Variants in USB1 observed in about 807,000 individuals in gnomAD.
USB1 encodes U6 snRNA phosphodiesterase 1.
In USB1, 21 loss-of-function variants were observed where a neutral mutation model predicts 29.9. The observed-to-expected ratio is 0.70, with a 90% CI of 0.50 to 1.01. The LOEUF (loss-of-function observed/expected upper bound fraction) is 1.01. Ranked by LOEUF, USB1 falls within the 50% of genes least tolerant of loss-of-function variation. The pLI is 0.00. For missense variants in USB1, 330 were observed against 347.1 expected, an observed-to-expected ratio of 0.95 and a Z score of 0.39; for synonymous variants, 143 against 134.9, an observed-to-expected ratio of 1.06 and a Z score of -0.42.
chr16:58,005,009 C>T (rs1963317662), intron 2 of USB1, among the ~76,000 whole-genome samples: 1 of 152,144 alleles, frequency 6.6e-6, no homozygotes, highest in South Asian at 2.1e-4. Context: ...GCCACTTGGA[C>T]GGGGGCCCTT....
chr16:58,001,536 C>T lies in USB1; in HGVS notation c.53C>T (p.Ser18Phe). 3 of 1,609,526 alleles carry T rather than the reference C, an allele frequency of 1.9e-6. No homozygotes were observed. In the South Asian group the frequency reaches 3.3e-5, roughly 18 times the overall value. ...AGCAGCAGCGGCTCCGAGGATGAGT[C>T]CGAGGACGGGATGCGGACCAGGCCG... ...GYSSSGSEDE[S>F]EDGMRTRPGD... Residue 18 changes from serine to phenylalanine, a missense_variant, in exon 1 of 7, where the codon TCC becomes TTC. By Grantham distance (155) the Ser-to-Phe change is radical. Coordinates refer to ENST00000219281, the MANE Select transcript of USB1 (RefSeq NM_024598.4).
intron 6 of USB1, among the ~76,000 whole-genome samples, chr16:58,019,645 AT>A (rs10716112): frequency 0.69 from 105,409 of 152,060 alleles, 37,060 homozygotes; most frequent in African/African-American, 0.78. Flanking sequence ...ATGCGGGAAG[AT>A]TGGCCTAGAG....
At chr16:58,009,196 A>G (rs1416807413) in intron 2 of USB1, among the ~76,000 whole-genome samples, 1 of 152,188 alleles carries the variant, frequency 6.6e-6, no homozygotes, top group Non-Finnish European at 1.5e-5. Context: ...GGGGGACAAG[A>G]ATCCTTCTGT....
At chr16:58,014,113 A>G (rs1963559095) in intron 3 of USB1, 160 bp from the exon 4 acceptor site, 1 of 645,472 alleles carries the variant, frequency 1.5e-6, no homozygotes, top group Non-Finnish European at 2.8e-6. Flanking sequence ...GTCCAGCTCT[A>G]ATGTTTAAGG....
rs1963182604 is a variant in USB1 at position 58,001,428 on chromosome 16, C to A, written c.-56C>A. ...GGGCGCTTCCGGCACAGCGGAACTC[C>A]GGGTGCCGGTTGAGGTTGCTGGTGG... On this transcript the variant is annotated 5_prime_UTR_variant, in exon 1 of 7. Transcript: ENST00000219281. 5.2e-6 allele frequency: 8 copies of A among 1,550,538 alleles called. No homozygotes were observed. Among genetic ancestry groups the A allele is most frequent in the Non-Finnish European group, 7.0e-6 (8 of 1,145,536 alleles).
chr16:58,002,469 T>C lies in USB1; in HGVS notation c.99-10T>C, dbSNP rs770408652. On this transcript the variant is annotated splice_polypyrimidine_tract_variant and intron_variant, in intron 1 of 6. Transcript: ENST00000219281. The stretch of plus-strand genomic sequence containing the variant: ...ATAAATGTACTCATTTTTCTTTTTT[T>C]CTTTTGCAGTGGCCAGAGCCCCCTT... The C allele has an allele frequency of 5.6e-6, 9 of 1,613,656 alleles. No individual in the cohort carries two copies. The Middle Eastern group carries it at 6.6e-4, about 118-fold the overall frequency.
rs1449480304 is a variant in USB1 at position 58,010,100 on chromosome 16, C to A, written c.437C>A (p.Thr146Asn). The change falls in exon 3 of 7, where the codon ACC becomes AAC. Residue 146 changes from threonine (T) to asparagine (N), a missense_variant. Physicochemically the swap from Thr to Asn is moderately conservative, Grantham distance 65. Transcript: ENST00000219281. ...GTGCAGGCTCTGAAAGCCCGTATGA[C>A]CTCCTTCCACAGGTGAGTGCTTCTT... ...PFVQALKARMTSFHRFFFTAN... is the reference protein window; with the variant it reads ...PFVQALKARMNSFHRFFFTAN... The A allele has an allele frequency of 1.2e-6, 2 of 1,614,118 alleles. No individual in the cohort carries two copies. Among genetic ancestry groups the A allele is most frequent in the Non-Finnish European group, 1.7e-6 (2 of 1,180,010 alleles).
intron 2 of USB1, among the ~76,000 whole-genome samples, chr16:58,004,521 C>T (rs1039898800): frequency 3.9e-5 from 6 of 152,106 alleles, no homozygotes; most frequent in African/African-American, 1.2e-4. Context: ...CTCAAGCAAT[C>T]CTCTGGCCTC....
rs1392937237 is a variant in USB1 at position 58,021,042 on chromosome 16, A to T, written c.*797A>T. ...GCCTCAGATCAGAGTGTTTTAAATC[A>T]TCACGCCCTGGCTTATCCCTGGTCG... On this transcript the variant is annotated 3_prime_UTR_variant, in exon 7 of 7. Transcript: ENST00000219281. 1 of 152,376 alleles carries T rather than the reference A, an allele frequency of 6.6e-6. No homozygotes were observed. The highest frequency in any genetic ancestry group is 1.5e-5 in the Non-Finnish European group (1 of 68,242). 9.4% of individuals were successfully genotyped at this position (152,376 alleles called of 1,614,324 possible). A position where few individuals can be genotyped will look rare whatever the true frequency, so the allele number is the denominator to read the frequency against.
intron 2 of USB1, among the ~76,000 whole-genome samples, chr16:58,007,416 C>G (rs944312317): frequency 6.6e-6 from 1 of 152,122 alleles, no homozygotes; most frequent in Non-Finnish European, 1.5e-5. Context: ...GAGTCTCACT[C>G]TGTTGCCCAG....
chr16:58,012,596 T>G (rs1187202355), intron 3 of USB1: 17 of 1,382,722 alleles, frequency 1.2e-5, no homozygotes, highest in Non-Finnish European at 1.6e-5. Context: ...CTGATTGGCT[T>G]CAGCACAAGT....
At chr16:58,000,751 G>C (rs892770861), upstream of USB1, among the ~76,000 whole-genome samples, 2 of 151,436 alleles carry the variant, frequency 1.3e-5, no homozygotes, top group African/African-American at 2.4e-5. This position sits in a 1 kb window ranked among gnomAD's most constrained non-coding sequence, Gnocchi z 4.5. Context: ...GCCAATGCGG[G>C]AGGAGCGGGC....
intron 4 of USB1, 107 bp from the exon 5 acceptor site, chr16:58,017,227 C>A (rs1963636439): frequency 3.1e-6 from 3 of 962,922 alleles, no homozygotes; most frequent in African/African-American, 1.6e-5. Context: ...GACGGTGAGA[C>A]CCACGGCCCA....
At chr16:58,006,496 T>G (rs1963362989) in intron 2 of USB1, among the ~76,000 whole-genome samples, 1 of 148,800 alleles carries the variant, frequency 6.7e-6, no homozygotes, top group Admixed American at 6.7e-5. Flanking sequence ...CCATCTCTAC[T>G]AAAAATACAA....
At chr16:58,014,224 T>C (rs764922522) in intron 3 of USB1, 49 bp from the exon 4 acceptor site, 5 of 1,490,596 alleles carry the variant, frequency 3.4e-6, no homozygotes, top group Non-Finnish European at 3.7e-6. Context: ...CTATTTTTTC[T>C]GCTTTTTTTC....
chr16:58,000,938 C>T (rs1963169058), upstream of USB1, among the ~76,000 whole-genome samples: 1 of 152,104 alleles, frequency 6.6e-6, no homozygotes, highest in African/African-American at 2.4e-5. This position sits in a 1 kb window ranked among gnomAD's most constrained non-coding sequence, Gnocchi z 4.5. Flanking sequence ...GGGTGACCGC[C>T]CTCGGCCCGG....
intron 4 of USB1, 146 bp from the exon 5 acceptor site, chr16:58,017,188 A>G: frequency 2.7e-6 from 2 of 735,094 alleles, no homozygotes; most frequent in Non-Finnish European, 5.0e-6. Context: ...GAGTTGGCTC[A>G]TGGAGCAGGA....
intron 3 of USB1, chr16:58,012,821 C>T (rs981106390): frequency 2.0e-6 from 2 of 994,436 alleles, no homozygotes; most frequent in Non-Finnish European, 2.4e-6. Flanking sequence ...TCCAGGGAAG[C>T]CACGGCCTGG....
chr16:58,003,270 C>T (rs1030765901), intron 2 of USB1, among the ~76,000 whole-genome samples: 6 of 152,014 alleles, frequency 3.9e-5, no homozygotes, highest in Admixed American at 2.6e-4. Flanking sequence ...ACCAAAAATA[C>T]AAAAAAATTA....
Sources: allele counts gnomAD v4.1 joint callset (sites outside exome capture counted in the v4.1 genomes callset), GRCh38; gene constraint gnomAD v4.1.1; non-coding constraint Gnocchi (gnomAD v3.1); transcripts MANE v1.5; gene names NCBI Gene and HGNC (gene_info 2026-07-23, HGNC 2026-07-21).